Variants in PRKAR1B observed in about 807,000 individuals in gnomAD.
The protein encoded by PRKAR1B is protein kinase cAMP-dependent type I regulatory subunit beta.
A neutral mutation model predicts 46.5 loss-of-function variants in PRKAR1B; 22 were observed. The observed-to-expected ratio is 0.47, with a 90% CI of 0.34 to 0.68. PRKAR1B has a LOEUF of 0.68. Ranked by LOEUF, PRKAR1B falls within the 30% of genes least tolerant of loss-of-function variation. The probability of loss-of-function intolerance (pLI) is 0.01; values close to 1 mark genes in which losing one functional copy is unlikely to be tolerated. For missense variants in PRKAR1B, 445 were observed against 535.6 expected (o/e 0.83, Z 1.67); for synonymous variants, 259 against 217.7 (o/e 1.19, Z -1.67).
chr7:718,129 C>A (rs760103939), intron 1 of PRKAR1B, among the ~76,000 whole-genome samples: 1 of 151,826 alleles, frequency 6.6e-6, no homozygotes, highest in African/African-American at 2.4e-5. Flanking sequence ...CTTCCTCAGT[C>A]GAGCCTCAGA....
intron 9 of PRKAR1B, among the ~76,000 whole-genome samples, chr7:574,914 C>T (rs181209288): frequency 6.6e-6 from 1 of 152,372 alleles, no homozygotes; most frequent in East Asian, 1.9e-4. Flanking sequence ...CTAAAGATAT[C>T]TGCCTTTCCA....
At chr7:681,633 G>A (rs1422036214) in intron 2 of PRKAR1B, among the ~76,000 whole-genome samples, 1 of 152,288 alleles carries the variant, frequency 6.6e-6, no homozygotes, top group South Asian at 2.1e-4. Flanking sequence ...ACCGTGGAAC[G>A]ACCATGGTTG....
intron 2 of PRKAR1B, among the ~76,000 whole-genome samples, chr7:704,789 C>G (rs998759412): frequency 1.3e-5 from 2 of 151,984 alleles, no homozygotes; most frequent in African/African-American, 4.8e-5. Flanking sequence ...AATAAATAAA[C>G]AAGCCACATA....
intron 2 of PRKAR1B, among the ~76,000 whole-genome samples, chr7:692,715 G>C (rs1779503379): frequency 6.6e-6 from 1 of 152,130 alleles, no homozygotes; most frequent in East Asian, 1.9e-4. Flanking sequence ...TTTTTCAGCA[G>C]TTCACATTGC....
chr7:694,541 C>T lies in PRKAR1B; in HGVS notation c.178-13815G>A, dbSNP rs868387668. Reference sequence around the variant, plus strand: ...CCCAGGCCCCAGGCGATGTGCCTGGCGAACTCCTACATATACTTTAAAGCC... The same window carrying T: ...CCCAGGCCCCAGGCGATGTGCCTGGTGAACTCCTACATATACTTTAAAGCC... On this transcript the variant is annotated intron_variant, in intron 2 of 10. Coordinates refer to ENST00000537384, the MANE Select transcript of PRKAR1B (RefSeq NM_001164760.2). Among the ~76,000 whole-genome samples the T allele has an allele frequency of 7.2e-5, 11 of 152,222 alleles. 1 individual carries two copies. Among genetic ancestry groups the T allele is most frequent in the Middle Eastern group, 3.4e-3 (1 of 294 alleles).
intron 4 of PRKAR1B, among the ~76,000 whole-genome samples, chr7:675,675 C>T (rs973169074): frequency 6.6e-6 from 1 of 152,166 alleles, no homozygotes; most frequent in Non-Finnish European, 1.5e-5. Context: ...AGGCCGGGCG[C>T]AGTGGCTCAC....
chr7:635,160 C>CA (rs1783974528), intron 4 of PRKAR1B, among the ~76,000 whole-genome samples: 1 of 152,100 alleles, frequency 6.6e-6, no homozygotes, highest in Non-Finnish European at 1.5e-5. Flanking sequence ...GAGATTTCAC[C>CA]AAAAAACCGG....
chr7:715,423 C>G lies in PRKAR1B; in HGVS notation c.-22-3896G>C, dbSNP rs573060609. Among the ~76,000 whole-genome samples, 15 of 152,200 alleles carry G rather than the reference C, an allele frequency of 9.9e-5. No homozygotes were observed. In the South Asian group the frequency reaches 1.7e-3, roughly 17 times the overall value. On this transcript the variant is annotated intron_variant, in intron 1 of 10. Transcript: ENST00000537384. ...TGGACCTCAACAGGTCGGTCGCCAC[C>G]CTGCCACACGGTGACAAACCCTGAC...
At chr7:571,272 G>A (rs533998143) in intron 9 of PRKAR1B, among the ~76,000 whole-genome samples, 48 of 152,204 alleles carry the variant, frequency 3.2e-4, no homozygotes, top group Non-Finnish European at 4.9e-4. Context: ...CAGGAGCCTC[G>A]CGGTACAGGC....
At chr7:658,673 TAG>T (rs1785338484) in intron 4 of PRKAR1B, among the ~76,000 whole-genome samples, 1 of 152,132 alleles carries the variant, frequency 6.6e-6, no homozygotes, top group South Asian at 2.1e-4. Flanking sequence ...TTTTTTGAGA[TAG>T]AGTCTTACTC....
chr7:570,687 A>C (rs964750967), intron 9 of PRKAR1B, among the ~76,000 whole-genome samples: 7 of 151,632 alleles, frequency 4.6e-5, no homozygotes, highest in Non-Finnish European at 7.4e-5. Context: ...TCAGCCCCCA[A>C]CTCCGGCCAT....
At chr7:590,973 C>G (rs1168034451) in intron 7 of PRKAR1B, among the ~76,000 whole-genome samples, 2 of 152,176 alleles carry the variant, frequency 1.3e-5, no homozygotes, top group African/African-American at 4.8e-5. Flanking sequence ...ATGACCCAGC[C>G]CAGGCCATTT....
intron 4 of PRKAR1B, among the ~76,000 whole-genome samples, chr7:676,990 C>G (rs1194810140): frequency 2.0e-5 from 3 of 150,900 alleles, no homozygotes; most frequent in Non-Finnish European, 4.4e-5. Flanking sequence ...GCAATGGGGC[C>G]TGCCCACCTC....
At position 659,218 on chromosome 7, in the gene PRKAR1B, C is replaced by T. The variant is rs187631656; in HGVS notation, c.440+18011G>A. ...CATCCTATATTCTAACAATTTATTT[C>T]ATTTACTTATAGTCTCTTCCATTAG... is the stretch of plus-strand genomic sequence containing the variant. On this transcript the variant is annotated intron_variant, in intron 4 of 10. Transcript: ENST00000537384. 3.1e-3 allele frequency among the ~76,000 whole-genome samples: 469 copies of T among 152,320 alleles called. 2 individuals are homozygous for T. Among genetic ancestry groups the T allele is most frequent in the Middle Eastern group, 6.8e-3 (2 of 294 alleles).
In PRKAR1B at chr7:711,319, G is replaced by A. The variant is rs758718267; in HGVS notation, c.177+10C>T. 1.9e-5 allele frequency: 31 copies of A among 1,613,914 alleles called. No individual in the cohort carries two copies. The Admixed American group carries it at 2.8e-4, about 15-fold the overall frequency. On this transcript the variant is annotated intron_variant, in intron 2 of 10. Coordinates refer to ENST00000537384, the MANE Select transcript of PRKAR1B (RefSeq NM_001164760.2). ...GCGAAGGGAAGCAGCGGGCGGCGGG[G>A]GCCACTCACCTTCTCCAGCTTCTCG...
chr7:702,770 C>T (rs750372170), intron 2 of PRKAR1B, among the ~76,000 whole-genome samples: 21 of 152,056 alleles, frequency 1.4e-4, no homozygotes, highest in Admixed American at 8.5e-4. Flanking sequence ...TCGCAGTGAG[C>T]GGAGATTGTG....
intron 4 of PRKAR1B, among the ~76,000 whole-genome samples, chr7:656,504 G>T (rs1166054992): frequency 6.6e-6 from 1 of 152,202 alleles, no homozygotes; most frequent in Non-Finnish European, 1.5e-5. Context: ...TGAATGTGTG[G>T]ATGGATGACT....
intron 4 of PRKAR1B, among the ~76,000 whole-genome samples, chr7:610,324 A>G (rs1782403515): frequency 1.3e-5 from 2 of 152,164 alleles, no homozygotes; most frequent in Non-Finnish European, 2.9e-5. Flanking sequence ...CTTGGTATCA[A>G]TGAAAGCCGA....
chr7:561,603 T>C (rs1778801623), intron 9 of PRKAR1B, among the ~76,000 whole-genome samples: 1 of 152,190 alleles, frequency 6.6e-6, no homozygotes, highest in South Asian at 2.1e-4. Flanking sequence ...AATCATCCCC[T>C]GCCCGCTCCT....
Sources: gnomAD v4.1 joint callset for allele counts (sites outside exome capture counted in the v4.1 genomes callset) on GRCh38, gnomAD v4.1.1 for gene constraint, MANE v1.5 for transcripts, NCBI Gene and HGNC (gene_info 2026-07-23, HGNC 2026-07-21) for gene names.